CAP2: variants seen among roughly 807,000 people sequenced by gnomAD.
CAP2 encodes the protein adenylyl cyclase-associated protein 2.
CAP2 carries 24 observed loss-of-function variants against 57.7 expected under a neutral mutation model. The observed-to-expected ratio is 0.42, with a 90% CI of 0.30 to 0.58. The LOEUF (loss-of-function observed/expected upper bound fraction) is 0.58, where lower values mean the gene tolerates loss of function less well. Ranked by LOEUF, CAP2 falls within the 20% of genes least tolerant of loss-of-function variation. CAP2 has a pLI of 0.22. For missense variants in CAP2, 501 were observed against 590.3 expected (o/e 0.85, Z 1.57); for synonymous variants, 194 against 207.2 (o/e 0.94, Z 0.55).
intron 4 of CAP2, among the ~76,000 whole-genome samples, chr6:17,473,228 GTTCGTTAGAAT>G (rs1438135550): frequency 6.6e-6 from 1 of 152,162 alleles, no homozygotes; most frequent in African/African-American, 2.4e-5. Flanking sequence ...TCCATACTAA[GTTCGTTAGAAT>G]TCCAGACTGC....
intron 3 of CAP2, among the ~76,000 whole-genome samples, chr6:17,431,659 C>T (rs1759740969): frequency 6.6e-6 from 1 of 152,138 alleles, no homozygotes; most frequent in African/African-American, 2.4e-5. Flanking sequence ...GTCTCTGTTC[C>T]TCTGACTCAC....
intron 7 of CAP2, among the ~76,000 whole-genome samples, chr6:17,520,398 A>C (rs902176025): frequency 2.0e-5 from 3 of 152,046 alleles, no homozygotes; most frequent in Non-Finnish European, 2.9e-5. Flanking sequence ...GCATGGTAGG[A>C]TGATAAGCTG....
At chr6:17,507,403 C>A (rs568075937) in intron 5 of CAP2, 91 bp downstream of exon 5, 1 of 1,331,168 alleles carries the variant, frequency 7.5e-7, no homozygotes, top group Non-Finnish European at 1.1e-6. Flanking sequence ...ACGCTCCTTG[C>A]ACTGAAGGAA....
At chr6:17,403,434 C>G (rs1364464113) in intron 1 of CAP2, among the ~76,000 whole-genome samples, 1 of 152,178 alleles carries the variant, frequency 6.6e-6, no homozygotes, top group Admixed American at 6.5e-5. Context: ...TATACACATC[C>G]ACATATCCAT....
At chr6:17,460,906 G>A (rs1478991701) in intron 3 of CAP2, among the ~76,000 whole-genome samples, 2 of 152,148 alleles carry the variant, frequency 1.3e-5, no homozygotes, top group African/African-American at 4.8e-5. Context: ...CCAGCACTTT[G>A]GGAGACCAAG....
intron 4 of CAP2, among the ~76,000 whole-genome samples, chr6:17,484,872 C>T (rs1039415715): frequency 1.3e-5 from 2 of 152,168 alleles, no homozygotes; most frequent in East Asian, 1.9e-4. Context: ...TCAGGATCCT[C>T]GTCCTGTTGC....
At chr6:17,397,619 C>T (rs192143737) in intron 1 of CAP2, among the ~76,000 whole-genome samples, 7 of 139,280 alleles carry the variant, frequency 5.0e-5, no homozygotes, top group East Asian at 2.1e-4. Context: ...GGCGTGAACC[C>T]GGGAGGCGGG....
chr6:17,461,238 G>T (rs544481233), intron 3 of CAP2, among the ~76,000 whole-genome samples: 5,629 of 143,054 alleles, frequency 0.039, 371 homozygotes, highest in African/African-American at 0.14. Context: ...TTCTTTTTTT[G>T]AGACGTAGTC....
At chr6:17,475,709 A>G (rs754446603) in intron 4 of CAP2, among the ~76,000 whole-genome samples, 2 of 152,242 alleles carry the variant, frequency 1.3e-5, no homozygotes, top group Non-Finnish European at 2.9e-5. Context: ...AATGCTGCTG[A>G]AAAATGTTCC....
chr6:17,487,311 C>T (rs936993463), intron 4 of CAP2, among the ~76,000 whole-genome samples: 1 of 152,138 alleles, frequency 6.6e-6, no homozygotes, highest in Admixed American at 6.5e-5. Context: ...CTTTCCCTGC[C>T]TCTGACTCTC....
At chr6:17,405,096 T>C (rs929812107) in intron 1 of CAP2, among the ~76,000 whole-genome samples, 1 of 152,010 alleles carries the variant, frequency 6.6e-6, no homozygotes, top group Admixed American at 6.6e-5. Flanking sequence ...AAGTTTAATA[T>C]ATAAGGCCGG....
intron 3 of CAP2, among the ~76,000 whole-genome samples, chr6:17,456,449 G>T (rs759158397): frequency 6.6e-6 from 1 of 152,132 alleles, no homozygotes; most frequent in East Asian, 1.9e-4. Context: ...CTCATTTCTT[G>T]TCTCAATTTC....
chr6:17,518,006 T>G (rs1473091753), intron 7 of CAP2, among the ~76,000 whole-genome samples: 1 of 152,150 alleles, frequency 6.6e-6, no homozygotes, highest in Non-Finnish European at 1.5e-5. Context: ...CCATGACAGC[T>G]GTTATTTATA....
intron 1 of CAP2, among the ~76,000 whole-genome samples, chr6:17,419,063 A>G (rs1759361554): frequency 3.9e-5 from 6 of 152,212 alleles, no homozygotes; most frequent in Admixed American, 3.9e-4. Context: ...TCCAAAATAG[A>G]CAGTAAACTC....
At chr6:17,443,272 G>A (rs995498299) in intron 3 of CAP2, among the ~76,000 whole-genome samples, 3 of 151,954 alleles carry the variant, frequency 2.0e-5, no homozygotes, top group African/African-American at 7.3e-5. Context: ...AAAAAAATAT[G>A]CTTTTAGAGG....
chr6:17,439,612 G>A (rs1007358455), intron 3 of CAP2, among the ~76,000 whole-genome samples: 2 of 151,262 alleles, frequency 1.3e-5, no homozygotes, highest in Non-Finnish European at 2.9e-5. Context: ...GCAACTAGAC[G>A]GTCCCATTTA....
intron 7 of CAP2, among the ~76,000 whole-genome samples, chr6:17,521,010 G>A (rs1426892859): frequency 1.3e-5 from 2 of 152,170 alleles, no homozygotes; most frequent in African/African-American, 2.4e-5. Context: ...CCACAGCTGC[G>A]TCGTTCTACT....
intron 4 of CAP2, among the ~76,000 whole-genome samples, chr6:17,486,412 T>A (rs1355930519): frequency 6.6e-6 from 1 of 151,538 alleles, no homozygotes; most frequent in East Asian, 2.0e-4. Flanking sequence ...AAGACCAGCC[T>A]GGGCAACACG....
In CAP2 at chr6:17,489,552, G is replaced by A. The variant is rs1343662518; in HGVS notation, c.301-17617G>A. ...CAGAGTCCCACATGGTGCCCCAAAG[G>A]GTGTTGAATGACCAAATGTCCCACA... is the stretch of plus-strand genomic sequence containing the variant. On this transcript the variant is annotated intron_variant, in intron 4 of 12. Transcript: ENST00000229922. Among the ~76,000 whole-genome samples, 5 of 152,082 alleles carry A rather than the reference G, an allele frequency of 3.3e-5. No individual in the cohort carries two copies. In the South Asian group the frequency reaches 8.3e-4, roughly 25 times the overall value.
Sources: gnomAD v4.1 joint callset for allele counts (sites outside exome capture counted in the v4.1 genomes callset) on GRCh38, gnomAD v4.1.1 for gene constraint, MANE v1.5 for transcripts, NCBI Gene and HGNC (gene_info 2026-07-23, HGNC 2026-07-21) for gene names.